Variants in NWD2 observed in about 807,000 individuals in gnomAD.
The protein encoded by NWD2 is NACHT and WD repeat domain containing 2.
In NWD2, 37 loss-of-function variants were observed where a neutral mutation model predicts 132.7. The ratio of observed to expected loss-of-function variants is 0.28; its 90% confidence interval spans 0.21 to 0.37. NWD2 has a LOEUF of 0.37. Among genes scored for constraint, NWD2 ranks in the 10% least tolerant of loss-of-function variants. The pLI is 1.00. For missense variants in NWD2, 1,592 were observed against 2,122.4 expected, an observed-to-expected ratio of 0.75 and a Z score of 4.91; for synonymous variants, 705 against 803.0, an observed-to-expected ratio of 0.88 and a Z score of 2.06.
intron 3 of NWD2, among the ~76,000 whole-genome samples, chr4:37,419,734 C>T (rs1372537073): frequency 3.9e-5 from 6 of 152,156 alleles, no homozygotes; most frequent in Non-Finnish European, 8.8e-5. Flanking sequence ...AAACTTAGAG[C>T]AGACTTACGT....
chr4:37,265,716 T>C (rs977463307), intron 1 of NWD2, among the ~76,000 whole-genome samples: 1 of 152,038 alleles, frequency 6.6e-6, no homozygotes, highest in Non-Finnish European at 1.5e-5. Flanking sequence ...TTTCCTCCTC[T>C]TATGCTGATC....
At chr4:37,278,300 A>T (rs1312040277) in intron 1 of NWD2, among the ~76,000 whole-genome samples, 2 of 152,170 alleles carry the variant, frequency 1.3e-5, no homozygotes, top group Non-Finnish European at 2.9e-5. Flanking sequence ...AACCATGACT[A>T]CAACCTTGGG....
At chr4:37,318,632 T>A (rs1257188485) in intron 1 of NWD2, among the ~76,000 whole-genome samples, 1 of 152,088 alleles carries the variant, frequency 6.6e-6, no homozygotes, top group African/African-American at 2.4e-5. Context: ...GTTGTTGCCA[T>A]CTTTATATCC....
In NWD2 at chr4:37,445,055, T is replaced by C. The variant is rs1164723950; in HGVS notation, c.3067T>C (p.Tyr1023His). ...LGMKLTSDEKYLVVATTNNTL... is the reference protein window; with the variant it reads ...LGMKLTSDEKHLVVATTNNTL... ...CATGAAACTCACCAGTGATGAAAAG[T>C]ACCTTGTGGTGGCTACAACAAATAA... The change falls in exon 7 of 7, where the codon TAC (tyrosine) becomes CAC (histidine). Residue 1023 changes from tyrosine (Y) to histidine (H), a missense_variant. Tyr to His is a moderately conservative substitution (Grantham distance 83). Coordinates refer to ENST00000309447, the MANE Select transcript of NWD2 (RefSeq NM_001144990.2). The surrounding 1 kb of genome is among the most constrained non-coding windows in gnomAD (Gnocchi z 4.7). 3 of 1,551,880 alleles carry C rather than the reference T, an allele frequency of 1.9e-6. No homozygotes were observed. In the South Asian group the frequency reaches 3.6e-5, roughly 18 times the overall value.
intron 3 of NWD2, among the ~76,000 whole-genome samples, chr4:37,389,468 G>A (rs559909489): frequency 6.6e-6 from 1 of 152,184 alleles, no homozygotes; most frequent in Admixed American, 6.5e-5. Flanking sequence ...CTTAAATTCT[G>A]CCTCTGCCTC....
rs549115634 is a variant in NWD2 at position 37,376,610 on chromosome 4, C to G, written c.357+20128C>G. ...GCCATTCCTAGAAATCTCGGTTAAT[C>G]CTGATCCTACAAACCTTAATCTCAT... On this transcript the variant is annotated intron_variant, in intron 3 of 6. Transcript: ENST00000309447. Among the ~76,000 whole-genome samples the G allele has an allele frequency of 5.3e-5, 8 of 152,258 alleles. No homozygotes were observed. The South Asian group carries it at 1.7e-3, about 32-fold the overall frequency.
At chr4:37,284,473 C>G (rs565468075) in intron 1 of NWD2, among the ~76,000 whole-genome samples, 1 of 152,192 alleles carries the variant, frequency 6.6e-6, no homozygotes, top group Non-Finnish European at 1.5e-5. Flanking sequence ...CCCCAGGACC[C>G]CACAGCCCAT....
intron 2 of NWD2, among the ~76,000 whole-genome samples, chr4:37,342,742 G>A (rs754164930): frequency 7.9e-5 from 12 of 152,146 alleles, no homozygotes; most frequent in Non-Finnish European, 1.5e-4. Flanking sequence ...TGTTATATTA[G>A]GAATGTCCAG....
chr4:37,343,625 A>G (rs1404515348), intron 2 of NWD2, among the ~76,000 whole-genome samples: 2 of 152,206 alleles, frequency 1.3e-5, no homozygotes, highest in South Asian at 2.1e-4. Context: ...AAACTCAGTC[A>G]TATTATCTCT....
At chr4:37,412,340 A>G (rs1721177591) in intron 3 of NWD2, among the ~76,000 whole-genome samples, 1 of 152,198 alleles carries the variant, frequency 6.6e-6, no homozygotes, top group South Asian at 2.1e-4. Context: ...ATACACCAGT[A>G]ACAGACAAAC....
chr4:37,404,385 A>G (rs1324028613), intron 3 of NWD2, among the ~76,000 whole-genome samples: 1 of 152,152 alleles, frequency 6.6e-6, no homozygotes, highest in African/African-American at 2.4e-5. Flanking sequence ...TACCCCATCT[A>G]GAAGGTCCTT....
At chr4:37,423,493 C>T (rs1030986216) in intron 3 of NWD2, among the ~76,000 whole-genome samples, 1 of 152,138 alleles carries the variant, frequency 6.6e-6, no homozygotes, top group Non-Finnish European at 1.5e-5. Flanking sequence ...AATTCGAGTC[C>T]AAGTGCAAAG....
At chr4:37,256,314 A>C (rs1260476952) in intron 1 of NWD2, among the ~76,000 whole-genome samples, 2 of 152,246 alleles carry the variant, frequency 1.3e-5, no homozygotes, top group Non-Finnish European at 2.9e-5. Flanking sequence ...TCAGAGGAAA[A>C]TAAGAAAATT....
At chr4:37,422,457 G>A (rs996485105) in intron 3 of NWD2, among the ~76,000 whole-genome samples, 2 of 152,152 alleles carry the variant, frequency 1.3e-5, no homozygotes, top group Admixed American at 1.3e-4. Context: ...CATACCACCT[G>A]TAAGCAACTA....
rs138716364 is a variant in NWD2 at position 37,406,726 on chromosome 4, G to A, written c.358-23846G>A. ...CCGCCTGACCAACATGGGAAAACCC[G>A]TCTCTACTAAAAATACAAAAGTAGC... On this transcript the variant is annotated intron_variant, in intron 3 of 6. Transcript: ENST00000309447. Among the ~76,000 whole-genome samples, 1,177 of 152,048 alleles carry A rather than the reference G, an allele frequency of 7.7e-3. 17 individuals carry two copies. Among genetic ancestry groups the A allele is most frequent in the East Asian group, 0.036 (185 of 5,162 alleles).
rs1712710363 is a variant in NWD2, at chr4:37,448,794, T to A, written c.*1577T>A. On this transcript the variant is annotated 3_prime_UTR_variant, in exon 7 of 7. Transcript: ENST00000309447. ...GTGATAGTTTCTGCTGTAGCCCTCA[T>A]AGGGACATTGGGAAGCAGTATAAGA... 6.6e-6 allele frequency: 1 copy of A among 152,206 alleles called. No homozygotes were observed. Among genetic ancestry groups the A allele is most frequent in the South Asian group, 2.1e-4 (1 of 4,834 alleles). The allele number at this position is 152,206 out of a possible 1,614,324, so 9.4% of individuals were successfully genotyped here. A position where few individuals can be genotyped will look rare whatever the true frequency, so the allele number is the denominator to read the frequency against.
At chr4:37,376,149 A>C (rs1355582470) in intron 3 of NWD2, among the ~76,000 whole-genome samples, 4 of 152,234 alleles carry the variant, frequency 2.6e-5, no homozygotes, top group Admixed American at 6.5e-5. Flanking sequence ...TCTAAGATGC[A>C]GAATTACTAG....
chr4:37,447,331 C>T lies in NWD2; in HGVS notation c.*114C>T. 1 of 812,286 alleles carries T rather than the reference C, an allele frequency of 1.2e-6. No homozygotes were observed. Among genetic ancestry groups the T allele is most frequent in the Non-Finnish European group, 1.9e-6 (1 of 524,380 alleles). The allele number at this position is 812,286 out of a possible 1,614,324, so 50.3% of individuals were successfully genotyped here. A position where few individuals can be genotyped will look rare whatever the true frequency, so the allele number is the denominator to read the frequency against. Reference sequence around the variant, plus strand: ...AAAGGCAGGAGCGATGCTGGAATTCCAGTGTTTTATTAAGATGTTCATGAA... The same window carrying T: ...AAAGGCAGGAGCGATGCTGGAATTCTAGTGTTTTATTAAGATGTTCATGAA... On this transcript the variant is annotated 3_prime_UTR_variant, in exon 7 of 7. Coordinates refer to ENST00000309447, the MANE Select transcript of NWD2 (RefSeq NM_001144990.2).
At chr4:37,349,119 T>A (rs1719711978) in intron 2 of NWD2, among the ~76,000 whole-genome samples, 2 of 152,152 alleles carry the variant, frequency 1.3e-5, no homozygotes, top group Admixed American at 1.3e-4. Context: ...TCTTTGCTAT[T>A]GTGAATACTA....
Sources: allele counts gnomAD v4.1 joint callset (sites outside exome capture counted in the v4.1 genomes callset), GRCh38; gene constraint gnomAD v4.1.1; non-coding constraint Gnocchi (gnomAD v3.1); transcripts MANE v1.5; gene names NCBI Gene and HGNC (gene_info 2026-07-23, HGNC 2026-07-21).